TDP1: variants seen among roughly 807,000 people sequenced by gnomAD.
The protein encoded by TDP1 is tyrosyl-DNA phosphodiesterase 1, also known as tyr-DNA phosphodiesterase 1.
Under a neutral mutation model 81.5 loss-of-function variants are expected in TDP1, and 64 were observed. That is an observed-to-expected ratio of 0.79 (90% CI 0.64 to 0.97). The LOEUF is 0.97. Ranked by LOEUF, TDP1 falls within the 50% of genes least tolerant of loss-of-function variation. TDP1 has a pLI of 0.00. For missense variants in TDP1, 723 were observed against 743.8 expected (o/e 0.97, Z 0.33); for synonymous variants, 256 against 264.3 (o/e 0.97, Z 0.30).
chr14:89,985,952 G>A (rs540654638), intron 10 of TDP1, among the ~76,000 whole-genome samples: 4 of 152,296 alleles, frequency 2.6e-5, no homozygotes, highest in Non-Finnish European at 5.9e-5. Flanking sequence ...GCTTGAACCC[G>A]GGAGGCGGAG....
intron 8 of TDP1, among the ~76,000 whole-genome samples, chr14:89,983,796 GT>G (rs1352761822): frequency 6.6e-6 from 1 of 152,206 alleles, no homozygotes; most frequent in Admixed American, 6.5e-5. Context: ...TAATGTAGAA[GT>G]TTTGGCAAAG....
At chr14:90,032,821 A>G (rs1433569061) in intron 15 of TDP1, 1 of 985,108 alleles carries the variant, frequency 1.0e-6, no homozygotes, top group Non-Finnish European at 1.2e-6. Flanking sequence ...ATGGGCTATC[A>G]TATCCAAAAT....
intron 15 of TDP1, among the ~76,000 whole-genome samples, chr14:90,027,639 C>A (rs922554103): frequency 1.3e-5 from 2 of 152,086 alleles, no homozygotes; most frequent in African/African-American, 4.8e-5. Context: ...CCTTAGGGAC[C>A]TCAGATCTCT....
intron 13 of TDP1, 127 bp downstream of exon 13, chr14:89,992,110 GT>G: frequency 1.3e-6 from 1 of 749,478 alleles, no homozygotes; most frequent in Non-Finnish European, 2.1e-6. Context: ...ATCTACATAT[GT>G]TAGTGATAGA....
chr14:89,983,918 T>C (rs1040053804), intron 8 of TDP1, among the ~76,000 whole-genome samples: 8 of 152,262 alleles, frequency 5.3e-5, no homozygotes, highest in Admixed American at 4.6e-4. Context: ...TCACTGAATG[T>C]GATATATACT....
chr14:89,975,499 A>G, intron 6 of TDP1: 1 of 978,228 alleles, frequency 1.0e-6, no homozygotes. Flanking sequence ...TAAAGAATTT[A>G]GGCTTCTCAG....
rs1892934585 is a variant in TDP1, at chr14:89,966,256, A to G, written c.603+66A>G. On this transcript the variant is annotated intron_variant, in intron 4 of 16. Coordinates refer to ENST00000335725, the MANE Select transcript of TDP1 (RefSeq NM_018319.4). ...AGACAGGTAATTAAACAACTCCATA[A>G]GAAAATATGAGAGGCATAGTTTGGG... The G allele has an allele frequency of 3.0e-6, 3 of 1,007,846 alleles. No homozygotes were observed. The South Asian group carries it at 3.8e-5, about 13-fold the overall frequency. 62.4% of individuals were successfully genotyped at this position (1,007,846 alleles called of 1,614,324 possible). A position where few individuals can be genotyped will look rare whatever the true frequency, so the allele number is the denominator to read the frequency against.
intron 14 of TDP1, among the ~76,000 whole-genome samples, chr14:90,007,721 T>C (rs1378422893): frequency 1.3e-5 from 2 of 152,034 alleles, no homozygotes; most frequent in African/African-American, 4.8e-5. Flanking sequence ...TCCTTCCACC[T>C]CAGCCTCCCA....
chr14:90,030,847 C>T (rs1887197866), intron 15 of TDP1, among the ~76,000 whole-genome samples: 1 of 151,750 alleles, frequency 6.6e-6, no homozygotes, highest in African/African-American at 2.4e-5. Context: ...CTCACTGCAA[C>T]CTCTGCCTTC....
chr14:89,993,635 C>G (rs1896413827), intron 14 of TDP1, 152 bp downstream of exon 14: 1 of 1,220,336 alleles, frequency 8.2e-7, no homozygotes, highest in Admixed American at 2.1e-5. Flanking sequence ...TAAAGGCATC[C>G]CATGACTAAT....
intron 7 of TDP1, 112 bp from the exon 8 acceptor site, chr14:89,980,428 A>T: frequency 7.1e-7 from 1 of 1,406,290 alleles, no homozygotes; most frequent in Admixed American, 1.9e-5. Flanking sequence ...AAGTTTGGGT[A>T]ATATGAGAGT....
chr14:89,989,195 CTTT>C (rs35878148), intron 11 of TDP1, 105 bp downstream of exon 11: 469 of 747,314 alleles, frequency 6.3e-4, no homozygotes, highest in East Asian at 9.7e-4. Flanking sequence ...TTCTGTGATT[CTTT>C]TTTTTTTTTT....
At chr14:90,018,541 AC>A (rs1239424916) in intron 14 of TDP1, among the ~76,000 whole-genome samples, 1 of 151,032 alleles carries the variant, frequency 6.6e-6, no homozygotes, top group African/African-American at 2.4e-5. Flanking sequence ...GCTTGCTGCA[AC>A]CTCCACCTCC....
chr14:89,974,793 G>A (rs1446454813), intron 6 of TDP1, among the ~76,000 whole-genome samples: 6 of 152,180 alleles, frequency 3.9e-5, no homozygotes, highest in Non-Finnish European at 7.4e-5. Context: ...GGCAGGATTT[G>A]AGCCCATGTA....
chr14:89,961,880 G>A (rs1439689432), intron 2 of TDP1, among the ~76,000 whole-genome samples: 2 of 152,212 alleles, frequency 1.3e-5, no homozygotes, highest in East Asian at 3.9e-4. Context: ...GCAGAAACTC[G>A]AAGATACTGT....
At chr14:90,017,676 A>G (rs1885476657) in intron 14 of TDP1, among the ~76,000 whole-genome samples, 1 of 152,172 alleles carries the variant, frequency 6.6e-6, no homozygotes, top group Non-Finnish European at 1.5e-5. Context: ...TCATCTAAAA[A>G]CTGAGAAAAA....
chr14:90,019,235 G>T, intron 14 of TDP1, 81 bp from the exon 15 acceptor site: 1 of 1,296,184 alleles, frequency 7.7e-7, no homozygotes. Context: ...TTTTTTGACC[G>T]GTGCTCTTGC....
At chr14:90,034,301 T>C (rs1045672337) in intron 16 of TDP1, among the ~76,000 whole-genome samples, 3 of 152,146 alleles carry the variant, frequency 2.0e-5, no homozygotes, top group East Asian at 3.8e-4. Context: ...ATGAAAATAA[T>C]GTTGACTTCA....
At chr14:90,031,900 G>T (rs574081021) in intron 15 of TDP1, among the ~76,000 whole-genome samples, 1 of 152,202 alleles carries the variant, frequency 6.6e-6, no homozygotes, top group African/African-American at 2.4e-5. Context: ...TCTAAAATAG[G>T]CCTGCTATTC....
Sources: allele counts gnomAD v4.1 joint callset (sites outside exome capture counted in the v4.1 genomes callset), GRCh38; gene constraint gnomAD v4.1.1; transcripts MANE v1.5; gene names NCBI Gene and HGNC (gene_info 2026-07-23, HGNC 2026-07-21).